Variants in ADAMTS12 observed in about 807,000 individuals in gnomAD.
ADAMTS12 encodes the protein ADAM metallopeptidase with thrombospondin type 1 motif 12, also known as A disintegrin and metalloproteinase with thrombospondin motifs 12.
Under a neutral mutation model 167.8 loss-of-function variants are expected in ADAMTS12, and 118 were observed. The observed-to-expected ratio is 0.70, with a 90% confidence interval of 0.61 to 0.82. The LOEUF is 0.82. ADAMTS12 is among the 40% of genes least tolerant of loss of function. The pLI is 0.00. For missense variants in ADAMTS12, 1,916 were observed against 1,998.8 expected, an observed-to-expected ratio of 0.96 and a Z score of 0.79; for synonymous variants, 704 against 716.9, an observed-to-expected ratio of 0.98 and a Z score of 0.29.
chr5:33,529,827 C>CT (rs1367566530), intron 23 of ADAMTS12, among the ~76,000 whole-genome samples: 1 of 152,178 alleles, frequency 6.6e-6, no homozygotes, highest in Non-Finnish European at 1.5e-5. Flanking sequence ...AGCTTTCCTT[C>CT]TTCAGGCCTC....
intron 2 of ADAMTS12, among the ~76,000 whole-genome samples, chr5:33,804,482 C>T (rs1241875307): frequency 1.3e-5 from 2 of 152,166 alleles, no homozygotes. Flanking sequence ...GGAGAGCCAG[C>T]CAGCCAACTC....
In ADAMTS12 at chr5:33,851,201, A is replaced by G. The variant is rs1285423320; in HGVS notation, c.489+29918T>C. Among the ~76,000 whole-genome samples the G allele has an allele frequency of 2.0e-5, 3 of 152,212 alleles. No individual in the cohort carries two copies. The East Asian group carries it at 5.8e-4, about 29-fold the overall frequency. ...GCCGAGGCAGGCAGATCACGAGGTC[A>G]GGAGATCGAGATCATTCTGGCTAAC... On this transcript the variant is annotated intron_variant, in intron 2 of 23. Coordinates refer to ENST00000504830, the MANE Select transcript of ADAMTS12 (RefSeq NM_030955.4).
At chr5:33,578,531 G>C (rs958122931) in intron 18 of ADAMTS12, among the ~76,000 whole-genome samples, 5 of 152,086 alleles carry the variant, frequency 3.3e-5, no homozygotes, top group African/African-American at 7.2e-5. Context: ...TGGAATTCCA[G>C]GATAGTTCTG....
intron 2 of ADAMTS12, among the ~76,000 whole-genome samples, chr5:33,871,353 A>C (rs892515991): frequency 5.3e-5 from 8 of 152,204 alleles, no homozygotes; most frequent in Non-Finnish European, 7.4e-5. Context: ...CATTTTATAA[A>C]GCTAATATTA....
In ADAMTS12 at chr5:33,624,360, A is replaced by T. The variant is rs1393252614; in HGVS notation, c.2023-9T>A. On this transcript the variant is annotated splice_polypyrimidine_tract_variant and intron_variant, in intron 13 of 23. Coordinates refer to ENST00000504830, the MANE Select transcript of ADAMTS12 (RefSeq NM_030955.4). Reference sequence around the variant, plus strand: ...TAGTCACAGCCAACCATCTGTGGGGAAGAGAGGTGGAGGATGAATGCCCAG... The same window carrying T: ...TAGTCACAGCCAACCATCTGTGGGGTAGAGAGGTGGAGGATGAATGCCCAG... 6.8e-6 allele frequency: 11 copies of T among 1,613,704 alleles called. No homozygotes were observed. The highest frequency in any genetic ancestry group is 9.3e-6 in the Non-Finnish European group (11 of 1,179,802).
At chr5:33,888,918 C>G (rs1347983668) in intron 1 of ADAMTS12, among the ~76,000 whole-genome samples, 2 of 152,192 alleles carry the variant, frequency 1.3e-5, no homozygotes, top group African/African-American at 4.8e-5. Flanking sequence ...TTCTATGTTT[C>G]TAGTCCCAGA....
At chr5:33,538,399 C>A (rs1444646705) in intron 22 of ADAMTS12, among the ~76,000 whole-genome samples, 1 of 152,184 alleles carries the variant, frequency 6.6e-6, no homozygotes, top group East Asian at 1.9e-4. Flanking sequence ...GAATTACAAT[C>A]CAAGATGAGA....
At chr5:33,709,161 T>C (rs941644832) in intron 3 of ADAMTS12, among the ~76,000 whole-genome samples, 18 of 152,232 alleles carry the variant, frequency 1.2e-4, no homozygotes, top group Middle Eastern at 6.8e-3. Context: ...AGATACCATC[T>C]CAGGCCAGTC....
chr5:33,713,289 G>A (rs1282554106), intron 3 of ADAMTS12, among the ~76,000 whole-genome samples: 2 of 152,162 alleles, frequency 1.3e-5, no homozygotes, highest in Non-Finnish European at 2.9e-5. Context: ...CAGGAGTGCT[G>A]TTAGCTCACT....
intron 20 of ADAMTS12, among the ~76,000 whole-genome samples, chr5:33,553,556 C>T (rs1745352408): frequency 6.6e-6 from 1 of 152,160 alleles, no homozygotes; most frequent in African/African-American, 2.4e-5. Flanking sequence ...AGATCATGTC[C>T]TTTGCAGGAA....
chr5:33,840,833 T>C (rs1311406629), intron 2 of ADAMTS12, among the ~76,000 whole-genome samples: 2 of 152,226 alleles, frequency 1.3e-5, no homozygotes, highest in Non-Finnish European at 1.5e-5. Context: ...TTTGGTTTAG[T>C]GCAGTGCTAA....
At chr5:33,842,992 C>T (rs1579983829) in intron 2 of ADAMTS12, among the ~76,000 whole-genome samples, 2 of 152,292 alleles carry the variant, frequency 1.3e-5, no homozygotes, top group South Asian at 2.1e-4. Context: ...GAGTGGCTGG[C>T]ACTCACAGTC....
intron 12 of ADAMTS12, among the ~76,000 whole-genome samples, chr5:33,631,280 A>G (rs1739916364): frequency 6.6e-6 from 1 of 152,170 alleles, no homozygotes; most frequent in South Asian, 2.1e-4. Flanking sequence ...GCAACCAGCC[A>G]TGAAGGACTC....
chr5:33,854,655 G>A (rs1749337169), intron 2 of ADAMTS12, among the ~76,000 whole-genome samples: 1 of 152,122 alleles, frequency 6.6e-6, no homozygotes, highest in Non-Finnish European at 1.5e-5. Context: ...TGGTCATGAT[G>A]GGAACTCACA....
At chr5:33,649,952 C>T (rs1397426213) in intron 7 of ADAMTS12, among the ~76,000 whole-genome samples, 7 of 152,158 alleles carry the variant, frequency 4.6e-5, no homozygotes, top group Non-Finnish European at 8.8e-5. Flanking sequence ...GAAACTTCTG[C>T]TTGGCAGAAG....
rs1004710858 is a variant in ADAMTS12, at chr5:33,614,233, C to T, written c.2527+5G>A. 6.2e-7 allele frequency: 1 copy of T among 1,613,060 alleles called. No individual in the cohort carries two copies. Among genetic ancestry groups the T allele is most frequent in the South Asian group, 1.1e-5 (1 of 90,978 alleles). On this transcript the variant is annotated splice_donor_5th_base_variant and intron_variant, in intron 16 of 23. Coordinates refer to ENST00000504830, the MANE Select transcript of ADAMTS12 (RefSeq NM_030955.4). ...GGCTTCATAGTGAGAGCAGCTGTTTCTCACCTGTCCCGCAGGTCACACTGC... is the reference window on the plus strand; with the variant it reads ...GGCTTCATAGTGAGAGCAGCTGTTTTTCACCTGTCCCGCAGGTCACACTGC...
intron 23 of ADAMTS12, among the ~76,000 whole-genome samples, chr5:33,528,874 GTC>G (rs1561102042): frequency 6.6e-6 from 1 of 152,040 alleles, no homozygotes; most frequent in Non-Finnish European, 1.5e-5. Context: ...GTGAAACCCC[GTC>G]TCTACTAAAA....
intron 2 of ADAMTS12, among the ~76,000 whole-genome samples, chr5:33,839,099 A>G (rs1401949383): frequency 6.6e-6 from 1 of 152,176 alleles, no homozygotes; most frequent in African/African-American, 2.4e-5. Flanking sequence ...CTGTGATTTA[A>G]AAAAGAGGCA....
At chr5:33,671,854 A>AC (rs1741705605) in intron 5 of ADAMTS12, among the ~76,000 whole-genome samples, 1 of 150,580 alleles carries the variant, frequency 6.6e-6, no homozygotes, top group Admixed American at 6.6e-5. Context: ...ATACACACAC[A>AC]CCCCCACATA....
Sources: allele counts gnomAD v4.1 joint callset (sites outside exome capture counted in the v4.1 genomes callset), GRCh38; gene constraint gnomAD v4.1.1; transcripts MANE v1.5; gene names NCBI Gene and HGNC (gene_info 2026-07-23, HGNC 2026-07-21).